Variants in AP1M1 observed in about 807,000 individuals in gnomAD.
AP1M1 encodes the protein adaptor related protein complex 1 subunit mu 1.
A neutral mutation model predicts 57.1 loss-of-function variants in AP1M1; 18 were observed. The ratio of observed to expected loss-of-function variants is 0.32; its 90% CI spans 0.22 to 0.47. The LOEUF (loss-of-function observed/expected upper bound fraction) is 0.47. AP1M1 is among the 20% of genes least tolerant of loss of function. The probability of loss-of-function intolerance (pLI) is 1.00; values close to 1 mark genes in which losing one functional copy is unlikely to be tolerated. For missense variants in AP1M1, 362 were observed against 593.5 expected (o/e 0.61, Z 4.05); for synonymous variants, 241 against 237.9 (o/e 1.01, Z -0.12).
Position 16,228,206 on chromosome 19 carries a change from A to G in AP1M1, c.886A>G (p.Lys296Glu). 1 of 1,613,616 alleles carries G rather than the reference A, an allele frequency of 6.2e-7. No individual in the cohort carries two copies. Among genetic ancestry groups the G allele is most frequent in the Non-Finnish European group, 8.5e-7 (1 of 1,179,986 alleles). ...CCACAGCCGCATCGAGTACATGATC[A>G]AGGTGCGTGGGCCGAGGCCACCCAC... Reference protein sequence around the residue: ...HSHSRIEYMIKAKSQFKRRST... With the variant: ...HSHSRIEYMIEAKSQFKRRST... Residue 296 changes from lysine (K) to glutamate (E), a missense_variant and splice_region_variant, in exon 8 of 12, where the codon AAG becomes GAG. Physicochemically the swap from Lys to Glu is moderately conservative, Grantham distance 56 (BLOSUM62 1). Around this residue, in one of 2 missense-constraint regions of AP1M1, gnomAD observed 337 missense variants for 511.1 expected, o/e 0.66. Transcript: ENST00000291439. This position sits in a 1 kb window ranked among gnomAD's most constrained non-coding sequence, Gnocchi z 5.0.
At position 16,228,170 on chromosome 19, in the gene AP1M1, G is replaced by A. The variant is rs752479355; in HGVS notation, c.850G>A (p.Glu284Lys). ...KPLIWIESVI[E>K]KHSHSRIEYM... ...TTTGATATGGATCGAGTCGGTGATC[G>A]AGAAGCACTCCCACAGCCGCATCGA... The change falls in exon 8 of 12, where the codon GAG becomes AAG. Residue 284 changes from glutamate (E) to lysine (K), a missense_variant. By Grantham distance (56) the Glu-to-Lys change is moderately conservative (BLOSUM62 1). Transcript: ENST00000291439. The surrounding 1 kb of genome is among the most constrained non-coding windows in gnomAD (Gnocchi z 5.0). 16 of 1,613,670 alleles carry A rather than the reference G, an allele frequency of 9.9e-6. No individual in the cohort carries two copies. The highest frequency in any genetic ancestry group is 2.2e-5 in the South Asian group (2 of 91,092).
At position 16,228,205 on chromosome 19, in the gene AP1M1, C is replaced by G; in HGVS notation, c.885C>G (p.Ile295Met). The part of the protein sequence containing the change: ...KHSHSRIEYM[I>M]KAKSQFKRRS... ...CCCACAGCCGCATCGAGTACATGAT[C>G]AAGGTGCGTGGGCCGAGGCCACCCA... is the stretch of plus-strand genomic sequence containing the variant. Residue 295 changes from isoleucine to methionine, a missense_variant, in exon 8 of 12, where the codon ATC becomes ATG. By Grantham distance (10) the Ile-to-Met change is conservative. Around this residue, in one of 2 missense-constraint regions of AP1M1, gnomAD observed 337 missense variants for 511.1 expected, o/e 0.66. Transcript: ENST00000291439. The surrounding 1 kb of genome is among the most constrained non-coding windows in gnomAD (Gnocchi z 5.0). 2 of 1,613,634 alleles carry G rather than the reference C, an allele frequency of 1.2e-6. No individual in the cohort carries two copies. Among genetic ancestry groups the G allele is most frequent in the Non-Finnish European group, 1.7e-6 (2 of 1,180,004 alleles).
Position 16,242,549 on chromosome 19 carries a change from A to T in AP1M1, c.*8114A>T, listed in dbSNP as rs2091649197. The T allele has an allele frequency of 6.6e-6, 1 of 152,238 alleles. No homozygotes were observed. Among genetic ancestry groups the T allele is most frequent in the African/African-American group, 2.4e-5 (1 of 41,458 alleles). 9.4% of individuals were successfully genotyped at this position (152,238 alleles called of 1,614,324 possible). On this transcript the variant is annotated 3_prime_UTR_variant, in exon 12 of 12. Transcript: ENST00000291439. ...ATGTTGTCGGATTGAACTGAAATAC[A>T]AAATCCTGTGATATCCTGTTTATAC...
Position 16,197,975 on chromosome 19 carries a change from T to TCGCTGCCGCCGCCACCACCCTCGGC in AP1M1, c.-36_-35insACCCTCGGCCGCTGCCGCCGCCACC. The TCGCTGCCGCCGCCACCACCCTCGGC allele has an allele frequency of 3.4e-6, 5 of 1,451,808 alleles. No homozygotes were observed. Among genetic ancestry groups the TCGCTGCCGCCGCCACCACCCTCGGC allele is most frequent in the Admixed American group, 2.4e-5 (1 of 42,448 alleles). 89.9% of individuals were successfully genotyped at this position (1,451,808 alleles called of 1,614,324 possible). On this transcript the variant is annotated 5_prime_UTR_variant, in exon 1 of 12. Coordinates refer to ENST00000291439, the MANE Select transcript of AP1M1 (RefSeq NM_032493.4). ...GCTCAACGCCCAGCAGTCCCCACCG[T>TCGCTGCCGCCGCCACCACCCTCGGC]CGCTGCCGCCGCCACCGCCCTCGGC...
chr19:16,221,122 T>G (rs938768719), intron 5 of AP1M1, among the ~76,000 whole-genome samples: 1 of 152,238 alleles, frequency 6.6e-6, no homozygotes, highest in Non-Finnish European at 1.5e-5. Flanking sequence ...GGTTTTTTGT[T>G]TTTTTGTTTT....
chr19:16,211,610 C>T (rs1042375888), intron 5 of AP1M1, among the ~76,000 whole-genome samples: 7 of 151,830 alleles, frequency 4.6e-5, no homozygotes, highest in African/African-American at 1.7e-4. Context: ...ATTAGCCGGG[C>T]GTGGTGATGC....
chr19:16,208,636 C>G (rs1375768776), intron 4 of AP1M1, among the ~76,000 whole-genome samples: 2 of 152,154 alleles, frequency 1.3e-5, no homozygotes, highest in African/African-American at 4.8e-5. Flanking sequence ...TGTTCCTAAC[C>G]GCTGCACCTC....
chr19:16,201,216 G>T (rs2091445469), intron 1 of AP1M1, among the ~76,000 whole-genome samples: 1 of 151,852 alleles, frequency 6.6e-6, no homozygotes, highest in Non-Finnish European at 1.5e-5. Context: ...CCCTTTCTGG[G>T]TGCTGGAAAA....
In AP1M1 at chr19:16,228,745, C is replaced by CG; in HGVS notation, c.889-22dup. On this transcript the variant is annotated intron_variant, in intron 8 of 11. Coordinates refer to ENST00000291439, the MANE Select transcript of AP1M1 (RefSeq NM_032493.4). This position sits in a 1 kb window ranked among gnomAD's most constrained non-coding sequence, Gnocchi z 5.0. ...CAGCTCACCTTGGCCTCCATAACCC[C>CG]GGGCCGCATTGGCCTGGCCTGCAGG... The CG allele has an allele frequency of 6.2e-7, 1 of 1,612,564 alleles. No homozygotes were observed. Among genetic ancestry groups the CG allele is most frequent in the Non-Finnish European group, 8.5e-7 (1 of 1,179,352 alleles).
Position 16,208,119 on chromosome 19 carries a change from C to T in AP1M1, c.368C>T (p.Pro123Leu). 1 of 1,613,674 alleles carries T rather than the reference C, an allele frequency of 6.2e-7. No homozygotes were observed. Among genetic ancestry groups the T allele is most frequent in the Non-Finnish European group, 8.5e-7 (1 of 1,179,796 alleles). ...LLDELMDFGY[P>L]QTTDSKILQE... ...GACGAGCTCATGGACTTCGGCTACCCCCAGACCACCGACAGCAAGATCCTG... is the reference window on the plus strand; with the variant it reads ...GACGAGCTCATGGACTTCGGCTACCTCCAGACCACCGACAGCAAGATCCTG... The change falls in exon 4 of 12, where the codon CCC (proline) becomes CTC (leucine). Residue 123 changes from proline (P) to leucine (L), a missense_variant. This residue lies in a region of AP1M1 where 337 missense variants were observed against 511.1 expected (regional missense o/e 0.66). Transcript: ENST00000291439.
In AP1M1 at chr19:16,206,289, C is replaced by T; in HGVS notation, c.200-52C>T. ...GGGTCCCTCCATGAACCAGGATCTTCCAGGCAGCAGCCCCAGCCTCTGAAT... is the reference window on the plus strand; with the variant it reads ...GGGTCCCTCCATGAACCAGGATCTTTCAGGCAGCAGCCCCAGCCTCTGAAT... On this transcript the variant is annotated intron_variant, in intron 2 of 11. Transcript: ENST00000291439. This position sits in a 1 kb window ranked among gnomAD's most constrained non-coding sequence, Gnocchi z 4.3. 1 of 1,589,626 alleles carries T rather than the reference C, an allele frequency of 6.3e-7. No individual in the cohort carries two copies. The highest frequency in any genetic ancestry group is 8.6e-7 in the Non-Finnish European group (1 of 1,158,366).
At chr19:16,234,336 G>C in intron 11 of AP1M1, 62 bp downstream of exon 11, 1 of 1,613,266 alleles carries the variant, frequency 6.2e-7, no homozygotes, top group Non-Finnish European at 8.5e-7. Flanking sequence ...GCTGCCCCCA[G>C]GGTGGAGCCA....
chr19:16,203,212 G>A lies in AP1M1; in HGVS notation c.43-247G>A, dbSNP rs980319457. ...GTCCTGGACCTTTGCTGCAGAGTTCGCCTCTACCCTCACCCTGCGAAGAAC... is the reference window on the plus strand; with the variant it reads ...GTCCTGGACCTTTGCTGCAGAGTTCACCTCTACCCTCACCCTGCGAAGAAC... On this transcript the variant is annotated intron_variant, in intron 1 of 11. Coordinates refer to ENST00000291439, the MANE Select transcript of AP1M1 (RefSeq NM_032493.4). The surrounding 1 kb of genome is among the most constrained non-coding windows in gnomAD (Gnocchi z 4.6). The A allele has an allele frequency of 3.4e-5, 18 of 532,386 alleles. No homozygotes were observed. The highest frequency in any genetic ancestry group is 5.1e-5 in the Non-Finnish European group (15 of 294,070). The allele number at this position is 532,386 out of a possible 1,614,324, so 33.0% of individuals were successfully genotyped here. A position where few individuals can be genotyped will look rare whatever the true frequency, so the allele number is the denominator to read the frequency against.
intron 5 of AP1M1, among the ~76,000 whole-genome samples, chr19:16,216,921 G>A (rs779868167): frequency 3.2e-4 from 48 of 152,232 alleles, no homozygotes; most frequent in South Asian, 2.3e-3. Flanking sequence ...ATGTGCCAGC[G>A]GCAGCACAGC....
intron 2 of AP1M1, among the ~76,000 whole-genome samples, chr19:16,204,598 G>A (rs1402350790): frequency 1.3e-5 from 2 of 152,198 alleles, no homozygotes; most frequent in Admixed American, 1.3e-4. Flanking sequence ...TGCCAGTACA[G>A]TGTGGCCAAC....
At chr19:16,202,774 T>TAA (rs1369400693) in intron 1 of AP1M1, among the ~76,000 whole-genome samples, 1 of 152,236 alleles carries the variant, frequency 6.6e-6, no homozygotes, top group Non-Finnish European at 1.5e-5. Flanking sequence ...CTGTTTCAAT[T>TAA]AAAGCTGCTG....
chr19:16,231,762 A>G (rs986683715), intron 9 of AP1M1, among the ~76,000 whole-genome samples: 3 of 152,212 alleles, frequency 2.0e-5, no homozygotes, highest in Admixed American at 6.5e-5. Context: ...ATACCTCTTC[A>G]AGATCCAGCT....
intron 9 of AP1M1, among the ~76,000 whole-genome samples, chr19:16,232,651 G>T (rs1041480402): frequency 1.3e-5 from 2 of 152,242 alleles, no homozygotes; most frequent in Non-Finnish European, 2.9e-5. Flanking sequence ...AGGCAGAGAT[G>T]AACCACTCGG....
rs2091621725 is a variant in AP1M1 at position 16,235,633 on chromosome 19, T to G, written c.*1198T>G. 6.6e-6 allele frequency: 1 copy of G among 152,316 alleles called. No individual in the cohort carries two copies. Among genetic ancestry groups the G allele is most frequent in the South Asian group, 2.1e-4 (1 of 4,834 alleles). 9.4% of individuals were successfully genotyped at this position (152,316 alleles called of 1,614,324 possible). On this transcript the variant is annotated 3_prime_UTR_variant, in exon 12 of 12. Coordinates refer to ENST00000291439, the MANE Select transcript of AP1M1 (RefSeq NM_032493.4). ...AGCTTGTCCCCACCTCTCCCCAAAC[T>G]GATGGCCCACTCAGAGCATGGTCCT...
Sources: gnomAD v4.1 joint callset for allele counts (sites outside exome capture counted in the v4.1 genomes callset) on GRCh38, gnomAD v4.1.1 for gene constraint, gnomAD v4.1.1 regional missense constraint, Gnocchi (gnomAD v3.1) non-coding constraint, MANE v1.5 for transcripts, NCBI Gene and HGNC (gene_info 2026-07-23, HGNC 2026-07-21) for gene names.